Variants in CGA observed in about 807,000 individuals in gnomAD.
CGA encodes glycoprotein hormones, alpha polypeptide.
A neutral mutation model predicts 12.0 loss-of-function variants in CGA; 4 were observed. The ratio of observed to expected loss-of-function variants is 0.33; its 90% CI spans 0.16 to 0.76. The LOEUF is 0.76. Among genes scored for constraint, CGA ranks in the 30% least tolerant of loss-of-function variants. The pLI, the probability that CGA is intolerant of heterozygous loss-of-function variation, is 0.60. For missense variants in CGA, 102 were observed against 143.5 expected (o/e 0.71, Z 1.48); for synonymous variants, 60 against 56.6 (o/e 1.06, Z -0.27).
In CGA at chr6:87,085,792, C is replaced by A; in HGVS notation, c.315G>T (p.Ala105=). The change falls in exon 4 of 4, where the codon GCG becomes GCT. Residue 105 remains alanine, a synonymous_variant. Transcript: ENST00000627148. The part of the protein sequence containing the change: ...MGGFKVENHT[A]CHCSTCYYHK... ...GATAATAACAAGTACTGCAGTGGCA[C>A]GCCGTGTGGTTCTCCACTTTGAAAC... is the stretch of plus-strand genomic sequence containing the variant. 6.2e-7 allele frequency: 1 copy of A among 1,612,832 alleles called. No homozygotes were observed. The highest frequency in any genetic ancestry group is 8.5e-7 in the Non-Finnish European group (1 of 1,179,142).
rs77122732 is a variant in CGA, at chr6:87,085,850, A to G, written c.274-17T>C. ...TACTGTGACCTAAAGGGGAAGGAAA[A>G]AAAAACATATTATAGATTAGATGAT... On this transcript the variant is annotated splice_polypyrimidine_tract_variant and intron_variant, in intron 3 of 3. Transcript: ENST00000627148. The G allele has an allele frequency of 3.6e-4, 561 of 1,537,040 alleles. 9 individuals are homozygous for G. In the East Asian group the frequency reaches 0.012, roughly 34 times the overall value.
intron 1 of CGA, among the ~76,000 whole-genome samples, chr6:87,093,819 C>T (rs896666046): frequency 6.6e-6 from 1 of 152,184 alleles, no homozygotes; most frequent in African/African-American, 2.4e-5. Flanking sequence ...TTCTCACACA[C>T]TACCCTTTTC....
intron 1 of CGA, among the ~76,000 whole-genome samples, chr6:87,089,992 C>CA (rs1371982304): frequency 2.0e-5 from 3 of 151,572 alleles, no homozygotes; most frequent in South Asian, 2.1e-4. Context: ...TTCCAATATC[C>CA]AAAAAAAATT....
chr6:87,093,924 A>C (rs1402093401), intron 1 of CGA, among the ~76,000 whole-genome samples: 1 of 152,230 alleles, frequency 6.6e-6, no homozygotes, highest in African/African-American at 2.4e-5. Flanking sequence ...GTTGAAATTA[A>C]CATGAAAAAC....
At chr6:87,087,541 A>G (rs926983973) in intron 2 of CGA, among the ~76,000 whole-genome samples, 17 of 152,334 alleles carry the variant, frequency 1.1e-4, no homozygotes, top group South Asian at 2.1e-4. Flanking sequence ...TGGTGAGTGT[A>G]GAGAGCCTGA....
intron 1 of CGA, among the ~76,000 whole-genome samples, chr6:87,090,374 T>C (rs1340391310): frequency 6.6e-6 from 1 of 152,122 alleles, no homozygotes; most frequent in Non-Finnish European, 1.5e-5. Flanking sequence ...TACAACAGAT[T>C]GAATGAAAAA....
chr6:87,088,660 T>C (rs1170852621), intron 1 of CGA, among the ~76,000 whole-genome samples: 1 of 152,112 alleles, frequency 6.6e-6, no homozygotes, highest in Non-Finnish European at 1.5e-5. Flanking sequence ...TATTCAACAT[T>C]ATCAGCCATT....
intron 2 of CGA, 80 bp downstream of exon 2, chr6:87,088,033 A>G: frequency 1.2e-5 from 8 of 690,490 alleles, no homozygotes; most frequent in Non-Finnish European, 1.9e-5. Context: ...GGTGGTAGAA[A>G]TGTAATTAAT....
At chr6:87,090,073 G>A (rs562905433) in intron 1 of CGA, among the ~76,000 whole-genome samples, 43 of 152,240 alleles carry the variant, frequency 2.8e-4, no homozygotes, top group African/African-American at 1.0e-3. Context: ...AATTCAGATT[G>A]TGTAAGTATG....
intron 1 of CGA, among the ~76,000 whole-genome samples, chr6:87,093,647 T>C (rs1027339391): frequency 8.5e-5 from 13 of 152,218 alleles, no homozygotes; most frequent in African/African-American, 3.1e-4. Context: ...ATTACTTTGA[T>C]GTGCTTTTAA....
chr6:87,093,021 T>TC (rs1769469852), intron 1 of CGA, among the ~76,000 whole-genome samples: 1 of 152,100 alleles, frequency 6.6e-6, no homozygotes, highest in Non-Finnish European at 1.5e-5. Context: ...TCAAGTGATA[T>TC]CCCCGGCTCT....
At chr6:87,091,028 T>A (rs1223119975) in intron 1 of CGA, among the ~76,000 whole-genome samples, 1 of 151,866 alleles carries the variant, frequency 6.6e-6, no homozygotes, top group Non-Finnish European at 1.5e-5. Context: ...AAGGAAATGT[T>A]CAGAATTAAA....
At chr6:87,086,711 G>T in intron 2 of CGA, 1 of 316,034 alleles carries the variant, frequency 3.2e-6, no homozygotes. Context: ...GCTTGAAGCT[G>T]GGAGGTCGAG....
At chr6:87,092,267 T>C (rs887214493) in intron 1 of CGA, among the ~76,000 whole-genome samples, 5 of 152,168 alleles carry the variant, frequency 3.3e-5, no homozygotes, top group Non-Finnish European at 5.9e-5. Flanking sequence ...GGTATGTCTG[T>C]CTTTGTATTT....
At chr6:87,087,962 G>A in intron 2 of CGA, 151 bp downstream of exon 2, 1 of 419,634 alleles carries the variant, frequency 2.4e-6, no homozygotes. Context: ...TTAATTTTAT[G>A]TTCACAATCT....
At chr6:87,088,596 A>G (rs1430472861) in intron 1 of CGA, among the ~76,000 whole-genome samples, 2 of 152,112 alleles carry the variant, frequency 1.3e-5, no homozygotes, top group South Asian at 4.1e-4. Flanking sequence ...ATATATATAA[A>G]CTTATATATG....
chr6:87,090,674 A>G (rs1315911924), intron 1 of CGA, among the ~76,000 whole-genome samples: 4 of 130,630 alleles, frequency 3.1e-5, no homozygotes, highest in African/African-American at 1.2e-4. Flanking sequence ...GTCTCCCTCT[A>G]TTGTCCAGGA....
intron 1 of CGA, among the ~76,000 whole-genome samples, chr6:87,094,090 A>G (rs1198911993): frequency 1.6e-5 from 1 of 61,814 alleles, no homozygotes; most frequent in Admixed American, 1.3e-4. Flanking sequence ...GAAACTTTAA[A>G]AGATTCCTTT....
At chr6:87,091,328 TAA>T (rs1769428645) in intron 1 of CGA, among the ~76,000 whole-genome samples, 1 of 152,198 alleles carries the variant, frequency 6.6e-6, no homozygotes, top group African/African-American at 2.4e-5. Context: ...ATTAACCAAG[TAA>T]AAACAGAATA....
Sources: gnomAD v4.1 joint callset for allele counts (sites outside exome capture counted in the v4.1 genomes callset) on GRCh38, gnomAD v4.1.1 for gene constraint, MANE v1.5 for transcripts, NCBI Gene and HGNC (gene_info 2026-07-23, HGNC 2026-07-21) for gene names.